Variants in MBD5 observed in about 807,000 individuals in gnomAD.
The protein encoded by MBD5 is methyl-CpG binding domain protein 5, also known as methyl-CpG-binding domain protein 5.
Under a neutral mutation model 117.3 loss-of-function variants are expected in MBD5, and 13 were observed. That is an observed-to-expected ratio of 0.11 (90% confidence interval 0.07 to 0.18). The LOEUF is 0.18. Ranked by LOEUF, MBD5 falls within the 10% of genes least tolerant of loss-of-function variation. The pLI is 1.00. For missense variants in MBD5, 1,879 were observed against 2,093.8 expected, an observed-to-expected ratio of 0.90 and a Z score of 2.00; for synonymous variants, 727 against 766.4, an observed-to-expected ratio of 0.95 and a Z score of 0.85.
chr2:148,418,409 G>C (rs1705493330), intron 4 of MBD5, among the ~76,000 whole-genome samples: 1 of 151,962 alleles, frequency 6.6e-6, no homozygotes, highest in Non-Finnish European at 1.5e-5. Context: ...TATTCAAATT[G>C]AAAAAGAGGA....
chr2:148,327,882 G>A (rs1702504917), intron 3 of MBD5, among the ~76,000 whole-genome samples: 1 of 152,198 alleles, frequency 6.6e-6, no homozygotes, highest in Non-Finnish European at 1.5e-5. Flanking sequence ...TGTTGCTGGT[G>A]AGGAACTGCG....
intron 1 of MBD5, among the ~76,000 whole-genome samples, chr2:148,095,553 A>G (rs1437478015): frequency 1.3e-5 from 2 of 152,150 alleles, no homozygotes; most frequent in Non-Finnish European, 2.9e-5. Context: ...TTTTAGGTTC[A>G]TACTGATTCC....
intron 2 of MBD5, among the ~76,000 whole-genome samples, chr2:148,212,463 T>G (rs756175174): frequency 1.3e-5 from 2 of 152,218 alleles, no homozygotes; most frequent in Non-Finnish European, 2.9e-5. Context: ...GTACTGCATT[T>G]TATTTATTCA....
intron 8 of MBD5, among the ~76,000 whole-genome samples, chr2:148,480,414 G>C (rs1681114033): frequency 6.6e-6 from 1 of 152,020 alleles, no homozygotes; most frequent in African/African-American, 2.4e-5. Context: ...GTACACTCTA[G>C]AGCATTTTGA....
chr2:148,456,870 C>T (rs1048860962), intron 4 of MBD5, among the ~76,000 whole-genome samples: 1 of 152,120 alleles, frequency 6.6e-6, no homozygotes, highest in African/African-American at 2.4e-5. Context: ...GCCAAGGCTG[C>T]AAATAAGGCA....
At chr2:148,261,615 C>T (rs114845220) in intron 3 of MBD5, among the ~76,000 whole-genome samples, 4 of 152,298 alleles carry the variant, frequency 2.6e-5, no homozygotes, top group South Asian at 2.1e-4. Flanking sequence ...ACCACTAAAA[C>T]TGTTTATCAG....
At chr2:148,115,397 C>G (rs1696611161) in intron 1 of MBD5, among the ~76,000 whole-genome samples, 2 of 152,136 alleles carry the variant, frequency 1.3e-5, no homozygotes, top group Admixed American at 6.5e-5. Flanking sequence ...TAATTAACCT[C>G]ATTATAAAAT....
intron 3 of MBD5, among the ~76,000 whole-genome samples, chr2:148,325,990 T>G (rs892887650): frequency 2.0e-5 from 3 of 152,194 alleles, no homozygotes; most frequent in Admixed American, 1.3e-4. Flanking sequence ...TAAATTTCCC[T>G]CTACATACTG....
chr2:148,214,918 T>G (rs190413388), intron 2 of MBD5, among the ~76,000 whole-genome samples: 1 of 152,240 alleles, frequency 6.6e-6, no homozygotes, highest in Admixed American at 6.5e-5. Context: ...ACATATGAAA[T>G]TACTGGTAAG....
At chr2:148,126,225 G>A (rs1444297623) in intron 1 of MBD5, among the ~76,000 whole-genome samples, 4 of 142,594 alleles carry the variant, frequency 2.8e-5, no homozygotes, top group Admixed American at 7.3e-5. Flanking sequence ...GTGAAACCTC[G>A]TTTCTACTAA....
rs375494072 is a variant in MBD5, at chr2:148,427,510, A to T, written c.-556-30693A>T. Among the ~76,000 whole-genome samples, 7 of 152,284 alleles carry T rather than the reference A, an allele frequency of 4.6e-5. No homozygotes were observed. The East Asian group carries it at 1.4e-3, about 29-fold the overall frequency. The stretch of plus-strand genomic sequence containing the variant: ...TGTAGGGACATGGATGAAGCTGGAA[A>T]CCATCATTCTCAGCAAACTATCACA... On this transcript the variant is annotated intron_variant, in intron 4 of 13. Transcript: ENST00000642680.
chr2:148,146,491 C>T (rs937055748), intron 1 of MBD5, among the ~76,000 whole-genome samples: 1 of 152,118 alleles, frequency 6.6e-6, no homozygotes, highest in African/African-American at 2.4e-5. Context: ...CCTGCCTCAG[C>T]CTCCCAAAGT....
At chr2:148,257,745 C>T (rs1207896562) in intron 3 of MBD5, among the ~76,000 whole-genome samples, 2 of 152,194 alleles carry the variant, frequency 1.3e-5, no homozygotes, top group Non-Finnish European at 2.9e-5. Flanking sequence ...TATAGCCCTG[C>T]AGCAACACTG....
At chr2:148,453,034 C>T (rs969279923) in intron 4 of MBD5, among the ~76,000 whole-genome samples, 17 of 152,312 alleles carry the variant, frequency 1.1e-4, no homozygotes, top group Middle Eastern at 3.4e-3. Context: ...TAAGCACCTA[C>T]TGTATGCTAG....
At chr2:148,448,598 A>G (rs539638904) in intron 4 of MBD5, among the ~76,000 whole-genome samples, 1 of 152,120 alleles carries the variant, frequency 6.6e-6, no homozygotes, top group Non-Finnish European at 1.5e-5. Context: ...TAATCCAAGT[A>G]GGAACTTGGC....
chr2:148,328,911 A>T (rs1010655095), intron 3 of MBD5, among the ~76,000 whole-genome samples: 1 of 152,248 alleles, frequency 6.6e-6, no homozygotes, highest in Non-Finnish European at 1.5e-5. Flanking sequence ...AGTTATCTTT[A>T]ATTCAAGAAT....
At chr2:148,092,959 C>G (rs1472838918) in intron 1 of MBD5, among the ~76,000 whole-genome samples, 1 of 151,950 alleles carries the variant, frequency 6.6e-6, no homozygotes, top group East Asian at 1.9e-4. Context: ...GCCCTGTCAC[C>G]CAGGCTGGAG....
At chr2:148,370,273 T>C (rs1703814100) in intron 4 of MBD5, among the ~76,000 whole-genome samples, 1 of 152,180 alleles carries the variant, frequency 6.6e-6, no homozygotes, top group South Asian at 2.1e-4. Flanking sequence ...TTTAAAAACT[T>C]GGCACAATAT....
intron 1 of MBD5, among the ~76,000 whole-genome samples, chr2:148,142,693 C>G (rs1697347669): frequency 6.6e-6 from 1 of 152,110 alleles, no homozygotes; most frequent in African/African-American, 2.4e-5. Context: ...TGTTATTCAG[C>G]AAACTAAGAG....
Sources: gnomAD v4.1 joint callset for allele counts (sites outside exome capture counted in the v4.1 genomes callset) on GRCh38, gnomAD v4.1.1 for gene constraint, MANE v1.5 for transcripts, NCBI Gene and HGNC (gene_info 2026-07-23, HGNC 2026-07-21) for gene names.